Variants in DISC1 observed in about 807,000 individuals in gnomAD.
DISC1 encodes the protein disrupted in schizophrenia 1 protein.
A neutral mutation model predicts 84.5 loss-of-function variants in DISC1; 57 were observed. That is an observed-to-expected ratio of 0.67 (90% confidence interval 0.55 to 0.84). DISC1 has a LOEUF of 0.84. Among genes scored for constraint, DISC1 ranks in the 40% least tolerant of loss-of-function variants. The pLI, the probability that DISC1 is intolerant of heterozygous loss-of-function variation, is 0.00. For missense variants in DISC1, 1,000 were observed against 1,057.8 expected, an observed-to-expected ratio of 0.95 and a Z score of 0.76; for synonymous variants, 411 against 415.2, an observed-to-expected ratio of 0.99 and a Z score of 0.12.
intron 1 of DISC1, among the ~76,000 whole-genome samples, chr1:231,690,347 G>A (rs985745185): frequency 3.3e-5 from 5 of 152,172 alleles, no homozygotes; most frequent in South Asian, 2.1e-4. Context: ...CTGCTCAGTC[G>A]TTCGTTCCTG....
chr1:231,982,507 G>A (rs1209967862), intron 10 of DISC1, among the ~76,000 whole-genome samples: 1 of 152,010 alleles, frequency 6.6e-6, no homozygotes, highest in Non-Finnish European at 1.5e-5. Context: ...CACCATCTTC[G>A]CTCTCTTGAA....
chr1:231,712,926 C>T (rs1000716501), intron 3 of DISC1, among the ~76,000 whole-genome samples: 1 of 152,114 alleles, frequency 6.6e-6, no homozygotes, highest in Non-Finnish European at 1.5e-5. Flanking sequence ...TTCAAAAGCA[C>T]CATGTATACA....
At chr1:231,816,102 T>G (rs1032098198) in intron 8 of DISC1, among the ~76,000 whole-genome samples, 4 of 152,238 alleles carry the variant, frequency 2.6e-5, no homozygotes, top group African/African-American at 4.8e-5. Flanking sequence ...CTCCATACCC[T>G]TGTGAATGTT....
intron 3 of DISC1, chr1:231,723,529 A>G: frequency 1.0e-6 from 1 of 985,424 alleles, no homozygotes; most frequent in Non-Finnish European, 1.2e-6. Flanking sequence ...TCAAAGGTTA[A>G]ATTTCATATA....
rs141434843 is a variant in DISC1, at chr1:231,865,639, G to C, written c.1981+47122G>C. ...CTTCCCCCAGCCTCTGGCAACCTCT[G>C]TTATACTTTCTGTCTCTGAATTTGA... is the stretch of plus-strand genomic sequence containing the variant. On this transcript the variant is annotated intron_variant, in intron 9 of 12. Transcript: ENST00000439617. Among the ~76,000 whole-genome samples, 390 of 152,272 alleles carry C rather than the reference G, an allele frequency of 2.6e-3. 2 individuals carry two copies. The highest frequency in any genetic ancestry group is 8.9e-3 in the African/African-American group (368 of 41,548).
chr1:231,821,173 G>C (rs888705528), intron 9 of DISC1, among the ~76,000 whole-genome samples: 5 of 152,190 alleles, frequency 3.3e-5, no homozygotes, highest in Non-Finnish European at 7.3e-5. Context: ...ACTGGGGCCA[G>C]ATGTTAAAAT....
intron 9 of DISC1, among the ~76,000 whole-genome samples, chr1:231,880,038 G>A (rs998593632): frequency 6.6e-6 from 1 of 152,198 alleles, no homozygotes; most frequent in Non-Finnish European, 1.5e-5. Flanking sequence ...TGGCAGTATT[G>A]AGAGCTGGGG....
chr1:231,642,438 C>T (rs1446745040), intron 1 of DISC1, among the ~76,000 whole-genome samples: 4 of 152,236 alleles, frequency 2.6e-5, no homozygotes, highest in African/African-American at 9.6e-5. Flanking sequence ...CGAGCGCGGG[C>T]TGCGAGGACT....
intron 10 of DISC1, among the ~76,000 whole-genome samples, chr1:231,971,708 C>T (rs1018862069): frequency 3.3e-5 from 5 of 152,040 alleles, no homozygotes; most frequent in African/African-American, 4.8e-5. Flanking sequence ...CTGCCTCAGG[C>T]GGAAAACATT....
At chr1:231,678,823 G>A (rs1176860887) in intron 1 of DISC1, among the ~76,000 whole-genome samples, 2 of 152,076 alleles carry the variant, frequency 1.3e-5, no homozygotes, top group Non-Finnish European at 2.9e-5. Flanking sequence ...CCGCCACCAC[G>A]CCTGGCTAAT....
At chr1:231,953,010 G>A (rs1658768602) in intron 9 of DISC1, among the ~76,000 whole-genome samples, 1 of 152,082 alleles carries the variant, frequency 6.6e-6, no homozygotes, top group Non-Finnish European at 1.5e-5. Context: ...GTAACAATGA[G>A]CTCTGGAACT....
intron 10 of DISC1, among the ~76,000 whole-genome samples, chr1:231,973,267 C>T (rs768102619): frequency 1.6e-4 from 24 of 152,110 alleles, no homozygotes; most frequent in Admixed American, 6.5e-4. Flanking sequence ...AGGCTGGTCT[C>T]GAACTCCTGA....
At chr1:231,828,578 G>A (rs2125807065) in intron 9 of DISC1, among the ~76,000 whole-genome samples, 1 of 152,110 alleles carries the variant, frequency 6.6e-6, no homozygotes, top group Non-Finnish European at 1.5e-5. Flanking sequence ...AGTTACTCTA[G>A]GATAAAATTT....
chr1:231,855,241 G>A (rs1413314675), intron 9 of DISC1: 8 of 982,142 alleles, frequency 8.1e-6, no homozygotes, highest in Non-Finnish European at 9.7e-6. Flanking sequence ...ACACTGTACT[G>A]TAAAGAATCA....
intron 1 of DISC1, among the ~76,000 whole-genome samples, chr1:231,692,564 C>G (rs1458278446): frequency 6.6e-6 from 1 of 152,210 alleles, no homozygotes; most frequent in Non-Finnish European, 1.5e-5. Flanking sequence ...ATTCCAAGCC[C>G]ATGTCTGTTC....
intron 6 of DISC1, among the ~76,000 whole-genome samples, chr1:231,776,232 T>G (rs1181610377): frequency 6.6e-6 from 1 of 152,146 alleles, no homozygotes; most frequent in Non-Finnish European, 1.5e-5. Flanking sequence ...AGTGATGACG[T>G]GGAGGGCTGC....
intron 9 of DISC1, among the ~76,000 whole-genome samples, chr1:231,822,961 C>T (rs945713641): frequency 1.3e-5 from 2 of 152,152 alleles, no homozygotes; most frequent in Admixed American, 1.3e-4. Flanking sequence ...GAGGGATCTG[C>T]CCCCAGACCC....
intron 6 of DISC1, among the ~76,000 whole-genome samples, chr1:231,772,550 A>AG (rs1359278036): frequency 6.6e-6 from 1 of 152,162 alleles, no homozygotes; most frequent in Non-Finnish European, 1.5e-5. Flanking sequence ...ATTTGAGGAA[A>AG]GGGGTGTTGA....
At chr1:232,025,417 A>G (rs1669353657) in intron 11 of DISC1, among the ~76,000 whole-genome samples, 3 of 152,144 alleles carry the variant, frequency 2.0e-5, no homozygotes, top group Admixed American at 1.3e-4. Context: ...GGAAAGTGAC[A>G]TAAAGAAGGC....
Sources: gnomAD v4.1 joint callset for allele counts (sites outside exome capture counted in the v4.1 genomes callset) on GRCh38, gnomAD v4.1.1 for gene constraint, MANE v1.5 for transcripts, NCBI Gene and HGNC (gene_info 2026-07-23, HGNC 2026-07-21) for gene names.